Variants in CPLANE1 observed in about 807,000 individuals in gnomAD.
CPLANE1 encodes ciliogenesis and planar polarity effector complex subunit 1, also known as ciliogenesis and planar polarity effector 1.
CPLANE1 carries 263 observed loss-of-function variants against 362.5 expected under a neutral mutation model. The ratio of observed to expected loss-of-function variants is 0.73; its 90% CI spans 0.66 to 0.80. The LOEUF is 0.80. Among genes scored for constraint, CPLANE1 ranks in the 30% least tolerant of loss-of-function variants. CPLANE1 has a pLI of 0.00. For missense variants in CPLANE1, 3,461 were observed against 3,793.4 expected (o/e 0.91, Z 2.30); for synonymous variants, 1,212 against 1,302.6 (o/e 0.93, Z 1.50).
intron 7 of CPLANE1, among the ~76,000 whole-genome samples, chr5:37,239,223 G>A (rs1799725163): frequency 6.6e-6 from 1 of 151,896 alleles, no homozygotes; most frequent in African/African-American, 2.4e-5. Flanking sequence ...AAAGTTATGG[G>A]ATCTACTTTA....
chr5:37,171,844 T>G (rs1213090001), intron 32 of CPLANE1, among the ~76,000 whole-genome samples: 2 of 151,616 alleles, frequency 1.3e-5, no homozygotes, highest in Non-Finnish European at 2.9e-5. Flanking sequence ...TGGAGTGCAG[T>G]GGACTGATCA....
At chr5:37,244,909 G>T (rs1239717840) in intron 4 of CPLANE1, among the ~76,000 whole-genome samples, 3 of 148,878 alleles carry the variant, frequency 2.0e-5, no homozygotes, top group African/African-American at 7.4e-5. Context: ...CTCTAAAAAA[G>T]AAAAAAAAAG....
At chr5:37,180,535 C>G (rs956536802) in intron 27 of CPLANE1, among the ~76,000 whole-genome samples, 5 of 152,170 alleles carry the variant, frequency 3.3e-5, no homozygotes, top group Admixed American at 2.6e-4. Context: ...CCTTGGTATT[C>G]AAAGCTATGT....
At chr5:37,123,628 A>T (rs1373829926) in intron 47 of CPLANE1, among the ~76,000 whole-genome samples, 1 of 152,108 alleles carries the variant, frequency 6.6e-6, no homozygotes, top group Non-Finnish European at 1.5e-5. Context: ...GGCACAAGTG[A>T]TCTTCTTACC....
intron 21 of CPLANE1, among the ~76,000 whole-genome samples, chr5:37,188,117 A>G (rs1784535185): frequency 6.6e-6 from 1 of 152,236 alleles, no homozygotes; most frequent in Non-Finnish European, 1.5e-5. Context: ...TAAAAGCAAT[A>G]CAAGTACACA....
intron 9 of CPLANE1, among the ~76,000 whole-genome samples, chr5:37,230,485 T>C (rs1797503892): frequency 6.6e-6 from 1 of 152,084 alleles, no homozygotes; most frequent in Non-Finnish European, 1.5e-5. Context: ...CCATTTCCAA[T>C]AACTTTTTCC....
At chr5:37,112,777 T>C (rs959439615) in intron 51 of CPLANE1, among the ~76,000 whole-genome samples, 1 of 152,176 alleles carries the variant, frequency 6.6e-6, no homozygotes, top group African/African-American at 2.4e-5. Flanking sequence ...GCACTTAAGC[T>C]AGAAACTTGG....
intron 9 of CPLANE1, among the ~76,000 whole-genome samples, chr5:37,229,636 G>A (rs555060865): frequency 3.1e-4 from 47 of 152,254 alleles, no homozygotes; most frequent in African/African-American, 1.0e-3. Flanking sequence ...AATTTCAAAT[G>A]TCTTTTCCAA....
At position 37,238,827 on chromosome 5, in the gene CPLANE1, GAAAA is replaced by G. The variant is rs781690549; in HGVS notation, c.938+26_938+29del. On this transcript the variant is annotated intron_variant, in intron 8 of 52. Coordinates refer to ENST00000651892, the MANE Select transcript of CPLANE1 (RefSeq NM_001384732.1). ...ACCCATCTCTTTTAAAAGAAAAAAA[GAAAA>G]AAAAGACAGACAAAAGAGTTCTTAC... The G allele has an allele frequency of 9.2e-6, 12 of 1,306,486 alleles. No homozygotes were observed. In the South Asian group the frequency reaches 1.5e-4, roughly 16 times the overall value. 80.9% of individuals were successfully genotyped at this position (1,306,486 alleles called of 1,614,324 possible). A position where few individuals can be genotyped will look rare whatever the true frequency, so the allele number is the denominator to read the frequency against.
chr5:37,076,440 T>G, the CPLANE1 span, among the ~76,000 whole-genome samples: 1 of 152,096 alleles, frequency 6.6e-6, no homozygotes, highest in Admixed American at 6.5e-5. Flanking sequence ...GCCTCCCGAA[T>G]AGCTGGGATT....
intron 51 of CPLANE1, among the ~76,000 whole-genome samples, chr5:37,109,278 A>C (rs191755996): frequency 1.3e-5 from 2 of 152,284 alleles, no homozygotes; most frequent in African/African-American, 2.4e-5. Flanking sequence ...AACCTTATGT[A>C]CTTGAAGCTG....
rs149463060 is a variant in CPLANE1 at position 37,153,848 on chromosome 5, A to C, written c.8265T>G (p.Ser2755Arg). Reference sequence around the variant, plus strand: ...GCTCGTCAATTTTCTGAAGCTTAGCACTGAGATGCTCTAGTTGGTGAGCTG... The same window carrying C: ...GCTCGTCAATTTTCTGAAGCTTAGCCCTGAGATGCTCTAGTTGGTGAGCTG... The part of the protein sequence containing the change: ...SSAAHQLEHL[S>R]AKLQKIDEQL... The change falls in exon 42 of 53, where the codon AGT becomes AGG. Residue 2755 changes from serine to arginine, a missense_variant. Physicochemically the swap from Ser to Arg is moderately radical, Grantham distance 110. Coordinates refer to ENST00000651892, the MANE Select transcript of CPLANE1 (RefSeq NM_001384732.1). The C allele has an allele frequency of 5.0e-6, 8 of 1,614,012 alleles. No individual in the cohort carries two copies. In the African/African-American group the frequency reaches 8.0e-5, roughly 16 times the overall value.
Position 37,245,152 on chromosome 5 carries a change from GA to G in CPLANE1, c.337+326del, listed in dbSNP as rs574766229. On this transcript the variant is annotated intron_variant, in intron 4 of 52. Coordinates refer to ENST00000651892, the MANE Select transcript of CPLANE1 (RefSeq NM_001384732.1). ...GAGCGAGACTCCGTCTCAAAAAAAA[GA>G]AAAAAAAAAGTACAAAAATAGCAAC... Among the ~76,000 whole-genome samples, 8 of 137,982 alleles carry G rather than the reference GA, an allele frequency of 5.8e-5. No individual in the cohort carries two copies. The East Asian group carries it at 6.3e-4, about 11-fold the overall frequency. The allele number at this position is 137,982 out of a possible 152,430, so 90.5% of individuals were successfully genotyped here.
In CPLANE1 at chr5:37,135,012, C is replaced by T. The variant is rs534665887; in HGVS notation, c.8792+3708G>A. On this transcript the variant is annotated intron_variant, in intron 46 of 52. Transcript: ENST00000651892. Reference sequence around the variant, plus strand: ...TTCTCCATGTTGGTCAGGCTGGTCTCCAACTCCCAACCTCAGGTGATCCAC... The same window carrying T: ...TTCTCCATGTTGGTCAGGCTGGTCTTCAACTCCCAACCTCAGGTGATCCAC... 3.9e-5 allele frequency among the ~76,000 whole-genome samples: 6 copies of T among 152,136 alleles called. No individual in the cohort carries two copies. The East Asian group carries it at 1.2e-3, about 29-fold the overall frequency.
chr5:37,142,258 C>A, intron 44 of CPLANE1, 52 bp downstream of exon 44: 2 of 1,400,198 alleles, frequency 1.4e-6, no homozygotes, highest in Non-Finnish European at 1.9e-6. Flanking sequence ...TGTTCAGTAA[C>A]ATTATAATGG....
intron 44 of CPLANE1, chr5:37,140,974 G>C: frequency 1.0e-6 from 1 of 985,332 alleles, no homozygotes; most frequent in Non-Finnish European, 1.2e-6. Context: ...TCTAGACTTT[G>C]ACATCAGACC....
At chr5:37,215,672 G>GACC (rs1793846173) in intron 15 of CPLANE1, among the ~76,000 whole-genome samples, 1 of 149,094 alleles carries the variant, frequency 6.7e-6, no homozygotes, top group African/African-American at 2.5e-5. Flanking sequence ...TATACAAAAT[G>GACC]ACCCAGGCAC....
the CPLANE1 span, among the ~76,000 whole-genome samples, chr5:37,083,533 T>C: frequency 6.6e-6 from 1 of 151,994 alleles, no homozygotes; most frequent in East Asian, 1.9e-4. Flanking sequence ...AAAAAAATGA[T>C]ACAAGAAGTG....
chr5:37,155,253 A>T (rs1004007778), intron 41 of CPLANE1, among the ~76,000 whole-genome samples: 2 of 152,190 alleles, frequency 1.3e-5, no homozygotes, highest in South Asian at 2.1e-4. Context: ...ATGCCTCCAT[A>T]TGACAGACAA....
Sources: gnomAD v4.1 joint callset for allele counts (sites outside exome capture counted in the v4.1 genomes callset) on GRCh38, gnomAD v4.1.1 for gene constraint, MANE v1.5 for transcripts, NCBI Gene and HGNC (gene_info 2026-07-23, HGNC 2026-07-21) for gene names.